Variants in NELL1 observed in about 807,000 individuals in gnomAD.
NELL1 encodes the protein neural EGFL like 1, also known as protein kinase C-binding protein NELL1.
Under a neutral mutation model 107.4 loss-of-function variants are expected in NELL1, and 76 were observed. That is an observed-to-expected ratio of 0.71 (90% CI 0.59 to 0.86). The LOEUF is 0.86. Ranked by LOEUF, NELL1 falls within the 40% of genes least tolerant of loss-of-function variation. The pLI is 0.00. For synonymous variants in NELL1, 353 were observed against 341.2 expected (o/e 1.03, Z -0.38); for missense variants, 1,024 against 1,005.5 (o/e 1.02, Z -0.25).
intron 14 of NELL1, among the ~76,000 whole-genome samples, chr11:21,256,926 G>A (rs907651562): frequency 3.3e-5 from 5 of 152,038 alleles, no homozygotes; most frequent in African/African-American, 9.7e-5. Context: ...GGTTACAGCT[G>A]TGCACAGCAG....
In NELL1 at chr11:21,067,077, C is replaced by T. The variant is rs186742432; in HGVS notation, c.1301-46512C>T. On this transcript the variant is annotated intron_variant, in intron 12 of 19. Transcript: ENST00000357134. Reference sequence around the variant, plus strand: ...AGTGAGACCATCTGACACATATATTCCTTCCTATATTGCTATTTCTTTTTA... The same window carrying T: ...AGTGAGACCATCTGACACATATATTTCTTCCTATATTGCTATTTCTTTTTA... Among the ~76,000 whole-genome samples, 792 of 152,186 alleles carry T rather than the reference C, an allele frequency of 5.2e-3. 5 individuals are homozygous for T. Among genetic ancestry groups the T allele is most frequent in the Middle Eastern group, 0.024 (7 of 294 alleles).
At chr11:20,938,908 G>GTCTCTCTCTCTCTCTC (rs71443766) in intron 10 of NELL1, among the ~76,000 whole-genome samples, 140 of 144,608 alleles carry the variant, frequency 9.7e-4, no homozygotes, top group African/African-American at 3.4e-3. Context: ...TTCTCTCTCT[G>GTCTCTCTCTCTCTCTC]TCTCTCTCTC....
intron 12 of NELL1, among the ~76,000 whole-genome samples, chr11:21,101,740 C>A (rs1052027587): frequency 6.6e-6 from 1 of 152,052 alleles, no homozygotes; most frequent in Non-Finnish European, 1.5e-5. Flanking sequence ...TGGATATTAG[C>A]CCTTTGTCAG....
At chr11:20,691,480 G>A (rs372088499) in intron 2 of NELL1, among the ~76,000 whole-genome samples, 3 of 152,016 alleles carry the variant, frequency 2.0e-5, no homozygotes, top group Admixed American at 6.6e-5. Flanking sequence ...TTTATTGAGC[G>A]TTTTTAGCAT....
At chr11:20,938,578 C>A (rs1053014595) in intron 10 of NELL1, among the ~76,000 whole-genome samples, 3 of 151,902 alleles carry the variant, frequency 2.0e-5, no homozygotes, top group East Asian at 3.9e-4. Flanking sequence ...TAATTTTGTT[C>A]CAAAATTACA....
rs189269094 is a variant in NELL1 at position 21,167,693 on chromosome 11, C to T, written c.1426+53979C>T. ...AGTCTCCTCCCTTGTTCAGTATTCT[C>T]CAGTTATGTTGGTCTTCTTTTCATT... On this transcript the variant is annotated intron_variant, in intron 13 of 19. Transcript: ENST00000357134. Among the ~76,000 whole-genome samples the T allele has an allele frequency of 8.6e-5, 13 of 151,938 alleles. No homozygotes were observed. The East Asian group carries it at 2.1e-3, about 25-fold the overall frequency.
At chr11:21,538,366 G>A (rs531991903) in intron 16 of NELL1, among the ~76,000 whole-genome samples, 2 of 152,190 alleles carry the variant, frequency 1.3e-5, no homozygotes, top group East Asian at 1.9e-4. Flanking sequence ...TTTATGAGAA[G>A]AAATGTTTAA....
At chr11:21,144,209 G>T (rs977558443) in intron 13 of NELL1, among the ~76,000 whole-genome samples, 4 of 152,184 alleles carry the variant, frequency 2.6e-5, no homozygotes, top group Non-Finnish European at 5.9e-5. Context: ...GTTATTGTCT[G>T]CAGGAAGCCT....
At chr11:20,855,632 T>C (rs1280068686) in intron 4 of NELL1, among the ~76,000 whole-genome samples, 2 of 152,218 alleles carry the variant, frequency 1.3e-5, no homozygotes, top group Non-Finnish European at 2.9e-5. Flanking sequence ...AGGAAAAATA[T>C]TGATGCTTGC....
chr11:21,204,863 G>T (rs1331770067), intron 13 of NELL1, among the ~76,000 whole-genome samples: 1 of 151,982 alleles, frequency 6.6e-6, no homozygotes, highest in Non-Finnish European at 1.5e-5. Flanking sequence ...CTTCTAACAG[G>T]CCCCTCTGCT....
intron 3 of NELL1, among the ~76,000 whole-genome samples, chr11:20,824,705 G>T (rs1857841195): frequency 6.6e-6 from 1 of 151,246 alleles, no homozygotes; most frequent in Non-Finnish European, 1.5e-5. Flanking sequence ...ATAGACTGTT[G>T]GTATTTTGCC....
chr11:21,494,709 A>G (rs920428434), intron 15 of NELL1, among the ~76,000 whole-genome samples: 1 of 152,050 alleles, frequency 6.6e-6, no homozygotes, highest in African/African-American at 2.4e-5. Context: ...TATAACTGCA[A>G]TAATTTGAAA....
intron 15 of NELL1, among the ~76,000 whole-genome samples, chr11:21,427,456 T>C (rs989948199): frequency 6.6e-6 from 1 of 152,210 alleles, no homozygotes; most frequent in Non-Finnish European, 1.5e-5. Context: ...ACTTGGGATA[T>C]TGCTATCTCC....
intron 13 of NELL1, among the ~76,000 whole-genome samples, chr11:21,187,356 G>T (rs1856956177): frequency 6.6e-6 from 1 of 151,832 alleles, no homozygotes; most frequent in South Asian, 2.1e-4. Flanking sequence ...AATTAGAATA[G>T]CTGGCTAGAA....
At chr11:20,746,223 G>A (rs190629135) in intron 2 of NELL1, among the ~76,000 whole-genome samples, 1 of 152,116 alleles carries the variant, frequency 6.6e-6, no homozygotes, top group African/African-American at 2.4e-5. Context: ...GGGTCTGCTG[G>A]ACCTTTGACC....
intron 15 of NELL1, among the ~76,000 whole-genome samples, chr11:21,408,333 G>A (rs1852284204): frequency 6.6e-6 from 1 of 152,004 alleles, no homozygotes; most frequent in South Asian, 2.1e-4. Context: ...CATTACAGCT[G>A]TAGAGAGAGT....
intron 13 of NELL1, among the ~76,000 whole-genome samples, chr11:21,177,458 C>T (rs575804023): frequency 6.6e-5 from 10 of 151,644 alleles, no homozygotes; most frequent in South Asian, 2.1e-4. Flanking sequence ...TGTTTAAGGC[C>T]GAAGAGTATT....
intron 1 of NELL1, among the ~76,000 whole-genome samples, chr11:20,672,503 C>A (rs144775296): frequency 1.8e-4 from 28 of 152,342 alleles, no homozygotes; most frequent in African/African-American, 6.5e-4. Context: ...CTGCTTAAAT[C>A]TGCCTTGTTC....
intron 15 of NELL1, among the ~76,000 whole-genome samples, chr11:21,371,550 C>G (rs1223307644): frequency 6.6e-6 from 1 of 152,026 alleles, no homozygotes; most frequent in African/African-American, 2.4e-5. Context: ...AAATCCAACT[C>G]TTATTGATTG....
Sources: gnomAD v4.1 joint callset for allele counts (sites outside exome capture counted in the v4.1 genomes callset) on GRCh38, gnomAD v4.1.1 for gene constraint, MANE v1.5 for transcripts, NCBI Gene and HGNC (gene_info 2026-07-23, HGNC 2026-07-21) for gene names.